The following OR7E24 variants were observed in gnomAD, a reference collection of about 807,000 sequenced individuals.
The protein encoded by OR7E24 is olfactory receptor 7E24.
For synonymous variants in OR7E24, 130 were observed against 157.5 expected (o/e 0.83, Z 1.31); for missense variants, 385 against 410.3 (o/e 0.94, Z 0.53).
chr19:9,226,481 A>G, the OR7E24 span, among the ~76,000 whole-genome samples: 1 of 152,360 alleles, frequency 6.6e-6, no homozygotes, highest in African/African-American at 2.4e-5. Context: ...GGAAGGAGAA[A>G]GTAACTTGTG....
chr19:9,234,067 C>A, the OR7E24 span, among the ~76,000 whole-genome samples: 15 of 152,222 alleles, frequency 9.9e-5, no homozygotes, highest in East Asian at 2.9e-3. Context: ...CCACGCCTGG[C>A]AATTTTTTGT....
the OR7E24 span, among the ~76,000 whole-genome samples, chr19:9,239,561 C>G: frequency 6.6e-6 from 1 of 152,086 alleles, no homozygotes; most frequent in Admixed American, 6.6e-5. Flanking sequence ...ATTTGTGAAG[C>G]TGAGTGTTTT....
upstream of OR7E24, among the ~76,000 whole-genome samples, chr19:9,246,733 C>T (rs1349889731): frequency 6.6e-6 from 1 of 152,136 alleles, no homozygotes; most frequent in Non-Finnish European, 1.5e-5. Flanking sequence ...ACATTATGCT[C>T]AGTGAAAGAA....
the OR7E24 span, chr19:9,213,778 A>G: frequency 5.6e-6 from 4 of 708,538 alleles, no homozygotes; most frequent in African/African-American, 7.2e-5. Context: ...CCCAATAACA[A>G]CAACCAAAAA....
chr19:9,213,915 G>A, the OR7E24 span: 2 of 1,613,654 alleles, frequency 1.2e-6, no homozygotes, highest in South Asian at 1.1e-5. Flanking sequence ...ACAAGAGTCG[G>A]CCCTGCTGAG....
the OR7E24 span, chr19:9,235,046 A>G: frequency 1.8e-6 from 1 of 563,370 alleles, no homozygotes. Flanking sequence ...GTGAATCAGG[A>G]TCTTTGGAAG....
upstream of OR7E24, among the ~76,000 whole-genome samples, chr19:9,244,380 C>T (rs191208123): frequency 6.6e-6 from 1 of 152,192 alleles, no homozygotes; most frequent in East Asian, 1.9e-4. Flanking sequence ...GTAAAGAGAG[C>T]CCAGAAAGAA....
At chr19:9,214,900 C>T in the OR7E24 span, 8 of 932,102 alleles carry the variant, frequency 8.6e-6, 1 homozygote, top group African/African-American at 9.8e-5. Context: ...CAAGTGGCAG[C>T]TCAGCTTGTC....
the OR7E24 span, among the ~76,000 whole-genome samples, chr19:9,242,310 C>T: frequency 6.6e-6 from 1 of 152,142 alleles, no homozygotes; most frequent in Non-Finnish European, 1.5e-5. Flanking sequence ...AGTGCCATGG[C>T]GCTATCTCAG....
upstream of OR7E24, among the ~76,000 whole-genome samples, chr19:9,242,904 TTC>T (rs1000445685): frequency 5.9e-5 from 9 of 151,528 alleles, no homozygotes; most frequent in South Asian, 2.1e-4. Flanking sequence ...CTCCTCTTTC[TTC>T]TCTCATTCCC....
At chr19:9,239,086 G>A in the OR7E24 span, among the ~76,000 whole-genome samples, 1 of 151,828 alleles carries the variant, frequency 6.6e-6, no homozygotes, top group South Asian at 2.1e-4. Flanking sequence ...CCTTCATACT[G>A]TTTTCCATAA....
chr19:9,214,835 C>T, the OR7E24 span: 1 of 1,590,074 alleles, frequency 6.3e-7, no homozygotes, highest in Non-Finnish European at 8.6e-7. Flanking sequence ...TTTCTGCTTC[C>T]ATGTAGCTGT....
the OR7E24 span, among the ~76,000 whole-genome samples, chr19:9,224,262 G>A: frequency 3.3e-5 from 5 of 152,074 alleles, no homozygotes; most frequent in South Asian, 2.1e-4. Flanking sequence ...CTAATGTTAC[G>A]ACTTAGTAGG....
chr19:9,234,537 T>C, the OR7E24 span, among the ~76,000 whole-genome samples: 1 of 152,220 alleles, frequency 6.6e-6, no homozygotes, highest in African/African-American at 2.4e-5. Flanking sequence ...GTTAACAACA[T>C]TGTATTGCAT....
At chr19:9,246,850 G>A (rs1411598723), upstream of OR7E24, among the ~76,000 whole-genome samples, 1 of 152,144 alleles carries the variant, frequency 6.6e-6, no homozygotes, top group Non-Finnish European at 1.5e-5. Flanking sequence ...AGTGGTTAGC[G>A]AGTTGAAGGA....
the OR7E24 span, chr19:9,206,754 A>T: frequency 6.6e-6 from 1 of 152,236 alleles, no homozygotes; most frequent in African/African-American, 2.4e-5. Flanking sequence ...CTGTATTTCA[A>T]ATTTAAGTTA....
chr19:9,227,654 A>C, the OR7E24 span, among the ~76,000 whole-genome samples: 1,503 of 152,182 alleles, frequency 9.9e-3, 31 homozygotes, highest in African/African-American at 0.034. Context: ...ATATTGCTGC[A>C]GTGAACATAT....
chr19:9,214,092 G>A, the OR7E24 span: 4 of 1,614,194 alleles, frequency 2.5e-6, no homozygotes, highest in Non-Finnish European at 3.4e-6. Context: ...ATAGAACAAG[G>A]AGACCACACA....
upstream of OR7E24, among the ~76,000 whole-genome samples, chr19:9,249,200 A>G (rs1000343010): frequency 1.3e-5 from 2 of 152,240 alleles, no homozygotes; most frequent in Admixed American, 1.3e-4. Context: ...TTTTGCCCTT[A>G]TATAAGTAAG....
Sources: allele counts gnomAD v4.1 joint callset (sites outside exome capture counted in the v4.1 genomes callset), GRCh38; gene constraint gnomAD v4.1.1; transcripts MANE v1.5; gene names NCBI Gene and HGNC (gene_info 2026-07-23, HGNC 2026-07-21).